GRID2: variants seen among roughly 807,000 people sequenced by gnomAD.
GRID2 encodes glutamate ionotropic receptor delta type subunit 2.
In GRID2, 33 loss-of-function variants were observed where a neutral mutation model predicts 114.8. The observed-to-expected ratio is 0.29, with a 90% CI of 0.22 to 0.38. The LOEUF (loss-of-function observed/expected upper bound fraction) is 0.38. Ranked by LOEUF, GRID2 falls within the 10% of genes least tolerant of loss-of-function variation. The probability of loss-of-function intolerance (pLI) is 1.00; values close to 1 mark genes in which losing one functional copy is unlikely to be tolerated. For missense variants in GRID2, 1,184 were observed against 1,257.7 expected, an observed-to-expected ratio of 0.94 and a Z score of 0.89; for synonymous variants, 505 against 449.9, an observed-to-expected ratio of 1.12 and a Z score of -1.55.
chr4:93,580,185 T>C (rs576905187), intron 13 of GRID2, among the ~76,000 whole-genome samples: 1 of 152,348 alleles, frequency 6.6e-6, no homozygotes, highest in South Asian at 2.1e-4. Context: ...AGTGAAGTGC[T>C]GCCAGCATTT....
Position 92,740,700 on chromosome 4 carries a change from A to AT in GRID2, c.244+150415dup, listed in dbSNP as rs1379069331. On this transcript the variant is annotated intron_variant, in intron 2 of 15. Coordinates refer to ENST00000282020, the MANE Select transcript of GRID2 (RefSeq NM_001510.4). ...AGATAGATAGATAGATGATAGATAG[A>AT]TAGATAGATAGATAGATAGATAGAT... is the stretch of plus-strand genomic sequence containing the variant. Among the ~76,000 whole-genome samples the AT allele has an allele frequency of 8.4e-5, 6 of 71,076 alleles. No individual in the cohort carries two copies. In the East Asian group the frequency reaches 1.7e-3, roughly 20 times the overall value. The allele number at this position is 71,076 out of a possible 152,430, so 46.6% of individuals were successfully genotyped here.
At chr4:93,626,485 G>A (rs1339105929) in intron 14 of GRID2, 50 bp downstream of exon 14, 1 of 1,232,318 alleles carries the variant, frequency 8.1e-7, no homozygotes. Context: ...TTTAGACAAA[G>A]AATATCCATT....
At chr4:92,882,892 G>A (rs957807847) in intron 2 of GRID2, among the ~76,000 whole-genome samples, 1 of 152,212 alleles carries the variant, frequency 6.6e-6, no homozygotes, top group Non-Finnish European at 1.5e-5. Flanking sequence ...TTTACTGGTG[G>A]AGAGTCTTGC....
intron 4 of GRID2, among the ~76,000 whole-genome samples, chr4:93,200,384 G>A (rs1741948387): frequency 6.6e-6 from 1 of 151,996 alleles, no homozygotes; most frequent in Admixed American, 6.6e-5. Context: ...GGCTAACACG[G>A]TGAAACCCCG....
chr4:92,728,915 A>G (rs781624077), intron 2 of GRID2, among the ~76,000 whole-genome samples: 3 of 152,042 alleles, frequency 2.0e-5, no homozygotes, highest in Admixed American at 6.6e-5. Flanking sequence ...ACAAAAAAGA[A>G]TTACATAGAA....
chr4:93,729,764 G>A (rs757566531), intron 14 of GRID2, among the ~76,000 whole-genome samples: 41 of 151,980 alleles, frequency 2.7e-4, no homozygotes, highest in African/African-American at 8.2e-4. Flanking sequence ...CACCATGCCC[G>A]GCACAGAGAA....
rs34416042 is a variant in GRID2, at chr4:93,414,685, T to TTATATA, written c.1348-8070_1348-8065dup. 1.8e-3 allele frequency among the ~76,000 whole-genome samples: 246 copies of TTATATA among 140,566 alleles called. 1 individual carries two copies. The highest frequency in any genetic ancestry group is 0.012 in the East Asian group (60 of 5,008). 92.2% of individuals were successfully genotyped at this position (140,566 alleles called of 152,430 possible). On this transcript the variant is annotated intron_variant, in intron 9 of 15. Coordinates refer to ENST00000282020, the MANE Select transcript of GRID2 (RefSeq NM_001510.4). ...GCACCTATCATCACCATCTGACATT[T>TTATATA]TATATATATATATATATATATTTCC... is the stretch of plus-strand genomic sequence containing the variant.
intron 4 of GRID2, among the ~76,000 whole-genome samples, chr4:93,185,371 A>G (rs1247850522): frequency 1.3e-5 from 2 of 152,200 alleles, no homozygotes; most frequent in Non-Finnish European, 2.9e-5. Context: ...CATTGATCCA[A>G]AAGAAGATAA....
At chr4:93,025,969 G>T (rs1405123994) in intron 2 of GRID2, among the ~76,000 whole-genome samples, 1 of 151,674 alleles carries the variant, frequency 6.6e-6, no homozygotes, top group Admixed American at 6.6e-5. Flanking sequence ...TAGTAGTTGT[G>T]TTTGAAAACT....
intron 14 of GRID2, among the ~76,000 whole-genome samples, chr4:93,686,610 G>A (rs1407710062): frequency 6.6e-6 from 1 of 151,984 alleles, no homozygotes; most frequent in Non-Finnish European, 1.5e-5. Flanking sequence ...ATTGGGGTGG[G>A]ATGTTTGCAA....
At chr4:92,539,812 T>TA (rs1725836086) in intron 1 of GRID2, among the ~76,000 whole-genome samples, 1 of 152,062 alleles carries the variant, frequency 6.6e-6, no homozygotes, top group African/African-American at 2.4e-5. Context: ...GAAAGAATTG[T>TA]AAAAATAATT....
At chr4:93,770,639 C>A (rs112215919) in intron 15 of GRID2, among the ~76,000 whole-genome samples, 130 of 152,258 alleles carry the variant, frequency 8.5e-4, no homozygotes, top group African/African-American at 3.1e-3. Flanking sequence ...AATCAAGTCA[C>A]ATTGTAGTGT....
At chr4:93,095,279 C>T (rs989509424) in intron 3 of GRID2, among the ~76,000 whole-genome samples, 2 of 151,954 alleles carry the variant, frequency 1.3e-5, no homozygotes, top group African/African-American at 4.8e-5. Context: ...TCCCCTAGCC[C>T]TCCACGCCCT....
intron 2 of GRID2, among the ~76,000 whole-genome samples, chr4:92,624,405 T>C (rs1730421478): frequency 6.6e-6 from 1 of 151,848 alleles, no homozygotes; most frequent in South Asian, 2.1e-4. Flanking sequence ...TTTTCTCAAA[T>C]GACAAAATAG....
intron 2 of GRID2, among the ~76,000 whole-genome samples, chr4:92,620,381 T>A (rs1730209521): frequency 6.6e-6 from 1 of 151,762 alleles, no homozygotes; most frequent in African/African-American, 2.4e-5. Context: ...GGATAGTTAT[T>A]ATCAGAAGGG....
At chr4:93,589,199 C>G (rs35253109) in intron 13 of GRID2, among the ~76,000 whole-genome samples, 1 of 116,886 alleles carries the variant, frequency 8.6e-6, no homozygotes, top group Non-Finnish European at 1.7e-5. Context: ...TATCCCTCCC[C>G]CCTCCCCCCA....
chr4:93,303,643 C>G (rs1755103706), intron 8 of GRID2, among the ~76,000 whole-genome samples: 2 of 152,208 alleles, frequency 1.3e-5, no homozygotes, highest in African/African-American at 2.4e-5. Flanking sequence ...GATTCATAGA[C>G]TCATGTTTCC....
At chr4:93,695,353 C>T (rs1297564133) in intron 14 of GRID2, among the ~76,000 whole-genome samples, 1 of 152,098 alleles carries the variant, frequency 6.6e-6, no homozygotes, top group African/African-American at 2.4e-5. Flanking sequence ...AATCGAAATG[C>T]ATTAAATCAA....
At chr4:92,525,198 A>C (rs2149143741) in intron 1 of GRID2, among the ~76,000 whole-genome samples, 1 of 152,224 alleles carries the variant, frequency 6.6e-6, no homozygotes, top group Non-Finnish European at 1.5e-5. Context: ...TAAGAAAGTA[A>C]AAGAACCAAA....
Sources: gnomAD v4.1 joint callset for allele counts (sites outside exome capture counted in the v4.1 genomes callset) on GRCh38, gnomAD v4.1.1 for gene constraint, MANE v1.5 for transcripts, NCBI Gene and HGNC (gene_info 2026-07-23, HGNC 2026-07-21) for gene names.